WIPF2: variants seen among roughly 807,000 people sequenced by gnomAD.
WIPF2 encodes the protein WAS/WASL-interacting protein family member 2.
WIPF2 carries 23 observed loss-of-function variants against 38.8 expected under a neutral mutation model. That is an observed-to-expected ratio of 0.59 (90% CI 0.43 to 0.84). The LOEUF (loss-of-function observed/expected upper bound fraction) is 0.84. WIPF2 is among the 40% of genes least tolerant of loss of function. The pLI is 0.00. For synonymous variants in WIPF2, 210 were observed against 223.2 expected, an observed-to-expected ratio of 0.94 and a Z score of 0.53; for missense variants, 574 against 580.5, an observed-to-expected ratio of 0.99 and a Z score of 0.11.
At chr17:40,267,284 G>C (rs1225753023) in intron 5 of WIPF2, among the ~76,000 whole-genome samples, 2 of 152,154 alleles carry the variant, frequency 1.3e-5, no homozygotes, top group Non-Finnish European at 2.9e-5. Flanking sequence ...AGTGGGGCAG[G>C]AAGGGAAGGG....
chr17:40,224,603 G>A (rs1053273911), intron 1 of WIPF2, among the ~76,000 whole-genome samples: 6 of 151,202 alleles, frequency 4.0e-5, no homozygotes, highest in Non-Finnish European at 8.8e-5. Flanking sequence ...ACAGTTTTCC[G>A]TTGCTCTGCT....
intron 3 of WIPF2, among the ~76,000 whole-genome samples, chr17:40,261,162 A>T (rs1214648239): frequency 6.6e-6 from 1 of 151,742 alleles, no homozygotes; most frequent in African/African-American, 2.4e-5. Context: ...ACCAAGGTTG[A>T]TTTTATGATT....
At chr17:40,235,426 C>T (rs1179583614) in intron 1 of WIPF2, among the ~76,000 whole-genome samples, 1 of 151,902 alleles carries the variant, frequency 6.6e-6, no homozygotes, top group African/African-American at 2.4e-5. Flanking sequence ...CCTTCCTTCC[C>T]TTTTTTGTTT....
chr17:40,274,989 CAGT>C (rs1412814750), intron 6 of WIPF2, among the ~76,000 whole-genome samples: 2 of 149,470 alleles, frequency 1.3e-5, no homozygotes, highest in African/African-American at 4.9e-5. Context: ...CCTGTAATCG[CAGT>C]ACTTTGGGAG....
intron 1 of WIPF2, among the ~76,000 whole-genome samples, chr17:40,240,005 C>T (rs1318464361): frequency 6.6e-6 from 1 of 151,548 alleles, no homozygotes; most frequent in Non-Finnish European, 1.5e-5. Context: ...CCTGGTTTAA[C>T]TTTTCTAATT....
intron 1 of WIPF2, among the ~76,000 whole-genome samples, chr17:40,254,871 C>G (rs1453243441): frequency 6.6e-6 from 1 of 152,010 alleles, no homozygotes; most frequent in East Asian, 1.9e-4. Context: ...GCTGGGACTA[C>G]AGGCACATGT....
At chr17:40,224,216 TTTTTC>T (rs1555558603) in intron 1 of WIPF2, among the ~76,000 whole-genome samples, 6 of 149,880 alleles carry the variant, frequency 4.0e-5, no homozygotes, top group Middle Eastern at 3.4e-3. Context: ...GCTTATTTTT[TTTTTC>T]TTTTCTTTTC....
chr17:40,234,471 TTATC>T (rs1435676303), intron 1 of WIPF2, among the ~76,000 whole-genome samples: 2 of 151,344 alleles, frequency 1.3e-5, no homozygotes, highest in African/African-American at 2.4e-5. Flanking sequence ...CAACCGGAAA[TTATC>T]TAGGTATGGT....
At position 40,223,596 on chromosome 17, in the gene WIPF2, T is replaced by TG. The variant is rs1448744923; in HGVS notation, c.-70+4107dup. ...TTCTGTTGAAGAGAAAATTTTTTTT[T>TG]GGGTTTTTTTTTTTTTTTTTTGAGA... On this transcript the variant is annotated intron_variant, in intron 1 of 7. Transcript: ENST00000323571. Among the ~76,000 whole-genome samples the TG allele has an allele frequency of 1.1e-3, 161 of 145,502 alleles. 3 individuals carry two copies. The Middle Eastern group carries it at 0.024, about 22-fold the overall frequency.
At chr17:40,278,072 C>T in intron 7 of WIPF2, 113 bp from the exon 8 acceptor site, 1 of 1,264,794 alleles carries the variant, frequency 7.9e-7, no homozygotes, top group Non-Finnish European at 1.1e-6. Context: ...ACGTAGTCCC[C>T]AGATTTTAAA....
chr17:40,228,651 CAG>C (rs1175935381), intron 1 of WIPF2, among the ~76,000 whole-genome samples: 1 of 151,150 alleles, frequency 6.6e-6, no homozygotes, highest in Non-Finnish European at 1.5e-5. Context: ...TTTTTTGAGA[CAG>C]AGTCTCTCTC....
intron 5 of WIPF2, among the ~76,000 whole-genome samples, chr17:40,272,090 G>A (rs2032267180): frequency 6.6e-6 from 1 of 151,730 alleles, no homozygotes; most frequent in South Asian, 2.1e-4. Context: ...CACGATCTTG[G>A]ATCACCGCAA....
chr17:40,256,291 G>A lies in WIPF2; in HGVS notation c.-69-100G>A, dbSNP rs979924311. ...TCACAGTGGAACTAAAAGATAAGGT[G>A]TTCAGTCTCTTTTGATTACCATGCC... is the stretch of plus-strand genomic sequence containing the variant. On this transcript the variant is annotated intron_variant, in intron 1 of 7. Coordinates refer to ENST00000323571, the MANE Select transcript of WIPF2 (RefSeq NM_133264.5). 5.6e-6 allele frequency: 5 copies of A among 888,724 alleles called. No homozygotes were observed. The African/African-American group carries it at 7.1e-5, about 13-fold the overall frequency. 55.1% of individuals were successfully genotyped at this position (888,724 alleles called of 1,614,324 possible).
chr17:40,233,743 A>G (rs2030843557), intron 1 of WIPF2, among the ~76,000 whole-genome samples: 1 of 152,026 alleles, frequency 6.6e-6, no homozygotes. Flanking sequence ...AGCCTGGCCA[A>G]CATGGTGAAA....
intron 1 of WIPF2, among the ~76,000 whole-genome samples, chr17:40,245,953 G>A (rs1322902384): frequency 1.3e-5 from 2 of 152,130 alleles, no homozygotes. Context: ...TGAACAACAC[G>A]TATAGCCTTG....
intron 1 of WIPF2, among the ~76,000 whole-genome samples, chr17:40,244,283 G>A (rs564136900): frequency 2.6e-5 from 4 of 152,234 alleles, no homozygotes; most frequent in African/African-American, 9.6e-5. Context: ...TTTGGTTCCT[G>A]CCGTTGTTGG....
At chr17:40,224,415 T>TG (rs2030393527) in intron 1 of WIPF2, among the ~76,000 whole-genome samples, 1 of 147,992 alleles carries the variant, frequency 6.8e-6, no homozygotes. Flanking sequence ...TATTTTTTTT[T>TG]TTTTTTTTTT....
At chr17:40,220,589 A>ATATATATG (rs2030154722) in intron 1 of WIPF2, 1 of 71,676 alleles carries the variant, frequency 1.4e-5, no homozygotes, top group African/African-American at 6.2e-5. Context: ...ATATATATAT[A>ATATATATG]TATATATATA....
At chr17:40,249,420 T>A (rs750174583) in intron 1 of WIPF2, among the ~76,000 whole-genome samples, 5 of 152,076 alleles carry the variant, frequency 3.3e-5, no homozygotes, top group Non-Finnish European at 5.9e-5. Context: ...AAAAATAGGC[T>A]TTGTCTTTTT....
Sources: gnomAD v4.1 joint callset for allele counts (sites outside exome capture counted in the v4.1 genomes callset) on GRCh38, gnomAD v4.1.1 for gene constraint, MANE v1.5 for transcripts, NCBI Gene and HGNC (gene_info 2026-07-23, HGNC 2026-07-21) for gene names.